Variants in KCNN3 observed in about 807,000 individuals in gnomAD.
KCNN3 encodes the protein small conductance calcium-activated potassium channel protein 3.
A neutral mutation model predicts 62.9 loss-of-function variants in KCNN3; 16 were observed. The ratio of observed to expected loss-of-function variants is 0.25; its 90% CI spans 0.17 to 0.39. The LOEUF (loss-of-function observed/expected upper bound fraction) is 0.39. KCNN3 is among the 10% of genes least tolerant of loss of function. The pLI is 1.00. For synonymous variants in KCNN3, 370 were observed against 389.2 expected (o/e 0.95, Z 0.58); for missense variants, 599 against 949.4 (o/e 0.63, Z 4.85).
chr1:154,834,397 A>G (rs1651499383), intron 1 of KCNN3, among the ~76,000 whole-genome samples: 1 of 152,232 alleles, frequency 6.6e-6, no homozygotes, highest in Admixed American at 6.5e-5. Context: ...CGGGGCATGC[A>G]GTAGAGTCTC....
chr1:154,826,654 CCT>C (rs1259475901), intron 1 of KCNN3, among the ~76,000 whole-genome samples: 1 of 152,216 alleles, frequency 6.6e-6, no homozygotes, highest in African/African-American at 2.4e-5. Context: ...CCTTTCCTCC[CCT>C]GAGGCTGTGC....
intron 1 of KCNN3, among the ~76,000 whole-genome samples, chr1:154,855,459 A>C (rs969429363): frequency 2.0e-5 from 3 of 152,144 alleles, no homozygotes; most frequent in Non-Finnish European, 4.4e-5. Context: ...ATACAGGTGT[A>C]GTATTTTGTA....
intron 1 of KCNN3, among the ~76,000 whole-genome samples, chr1:154,859,081 G>A (rs533599252): frequency 2.3e-4 from 35 of 152,280 alleles, no homozygotes; most frequent in Admixed American, 6.5e-4. Flanking sequence ...CTCCAAAGGC[G>A]GTGGCTCAAC....
chr1:154,730,414 G>C (rs1409630509), intron 4 of KCNN3, among the ~76,000 whole-genome samples: 1 of 152,148 alleles, frequency 6.6e-6, no homozygotes, highest in Non-Finnish European at 1.5e-5. Flanking sequence ...TGGTGTCCAT[G>C]GTAACCAAAC....
chr1:154,843,201 A>G (rs1266798982), intron 1 of KCNN3, among the ~76,000 whole-genome samples: 1 of 151,858 alleles, frequency 6.6e-6, no homozygotes, highest in African/African-American at 2.4e-5. Flanking sequence ...CAGGAGCTAG[A>G]TATGGTCCCT....
rs775930995 is a variant in KCNN3, at chr1:154,779,375, C to T, written c.1030-6982G>A. ...ACAGCCCCTAGCAGGAACCCTCACC[C>T]GTCCCCACCTTCCCACTCCACTCAG... On this transcript the variant is annotated intron_variant, in intron 2 of 7. Transcript: ENST00000271915. 3.9e-5 allele frequency among the ~76,000 whole-genome samples: 6 copies of T among 152,262 alleles called. No homozygotes were observed. In the South Asian group the frequency reaches 6.2e-4, roughly 16 times the overall value.
intron 2 of KCNN3, among the ~76,000 whole-genome samples, chr1:154,808,785 T>C (rs1026680346): frequency 1.1e-4 from 17 of 152,152 alleles, no homozygotes; most frequent in Admixed American, 3.9e-4. Flanking sequence ...CAAATCGATA[T>C]GGTTTCTAGC....
intron 1 of KCNN3, among the ~76,000 whole-genome samples, chr1:154,854,556 C>T (rs1043802178): frequency 6.6e-6 from 1 of 152,282 alleles, no homozygotes; most frequent in Admixed American, 6.5e-5. Context: ...AGATAGTTTA[C>T]TATCAGGCTT....
Position 154,704,506 on chromosome 1 carries a change from G to A in KCNN3, c.*3470C>T, listed in dbSNP as rs577697040. On this transcript the variant is annotated 3_prime_UTR_variant, in exon 8 of 8. Coordinates refer to ENST00000271915, the MANE Select transcript of KCNN3 (RefSeq NM_002249.6). ...GTCCTGAAATTCCACTGAGATTAGT[G>A]GTCTTAAAGTATCACAGTACATCCC... 2.0e-5 allele frequency: 3 copies of A among 152,128 alleles called. No individual in the cohort carries two copies. The highest frequency in any genetic ancestry group is 4.4e-5 in the Non-Finnish European group (3 of 68,032). The allele number at this position is 152,128 out of a possible 1,614,324, so 9.4% of individuals were successfully genotyped here.
intron 2 of KCNN3, among the ~76,000 whole-genome samples, chr1:154,797,603 T>A (rs1266175514): frequency 2.6e-5 from 4 of 152,208 alleles, no homozygotes; most frequent in Non-Finnish European, 5.9e-5. Context: ...CCTGTCCCTG[T>A]GCCTTCCCAC....
intron 1 of KCNN3, among the ~76,000 whole-genome samples, chr1:154,850,089 G>A (rs923914804): frequency 2.6e-5 from 4 of 152,094 alleles, no homozygotes; most frequent in South Asian, 2.1e-4. Flanking sequence ...CCAGGCATCC[G>A]CAGCCCATAC....
chr1:154,723,523 A>G (rs1256503863), intron 5 of KCNN3, among the ~76,000 whole-genome samples: 1 of 152,232 alleles, frequency 6.6e-6, no homozygotes, highest in Non-Finnish European at 1.5e-5. Flanking sequence ...CTCATCTTCT[A>G]CAATTATATT....
chr1:154,820,614 C>T (rs1375116348), intron 2 of KCNN3, among the ~76,000 whole-genome samples: 1 of 152,166 alleles, frequency 6.6e-6, no homozygotes, highest in African/African-American at 2.4e-5. Context: ...GATTCCGTGG[C>T]CCTAGTCCTC....
rs368383241 is a variant in KCNN3, at chr1:154,849,810, A to G, written c.933+19222T>C. On this transcript the variant is annotated intron_variant, in intron 1 of 7. Coordinates refer to ENST00000271915, the MANE Select transcript of KCNN3 (RefSeq NM_002249.6). ...GTTTCTCAGCCTCAGTACCACTGAC[A>G]TTGTGGGCTGGGTAATTCTTTGTTG... Among the ~76,000 whole-genome samples the G allele has an allele frequency of 3.0e-4, 46 of 152,290 alleles. 1 individual carries two copies. In the South Asian group the frequency reaches 9.1e-3, roughly 30 times the overall value.
chr1:154,787,861 G>A (rs1420528649), intron 2 of KCNN3, among the ~76,000 whole-genome samples: 1 of 138,394 alleles, frequency 7.2e-6, no homozygotes, highest in Non-Finnish European at 1.6e-5. Flanking sequence ...CACTTTCTCT[G>A]TCCTCCCATA....
At chr1:154,837,089 A>G (rs1041586783) in intron 1 of KCNN3, among the ~76,000 whole-genome samples, 1 of 148,144 alleles carries the variant, frequency 6.8e-6, no homozygotes, top group Non-Finnish European at 1.5e-5. Flanking sequence ...TTTGCTTAGA[A>G]CCCATTGTTT....
chr1:154,712,110 T>C (rs896157352), intron 7 of KCNN3, among the ~76,000 whole-genome samples: 2 of 152,028 alleles, frequency 1.3e-5, no homozygotes, highest in Non-Finnish European at 2.9e-5. Context: ...AGAGAAGAAA[T>C]GGTGAGAGAC....
intron 4 of KCNN3, 72 bp from the exon 5 acceptor site, chr1:154,726,098 C>A: frequency 8.7e-7 from 1 of 1,151,364 alleles, no homozygotes; most frequent in Non-Finnish European, 1.3e-6. Context: ...AGACTCAACA[C>A]GCCTGGCGGC....
chr1:154,863,510 C>A (rs968404789), intron 1 of KCNN3, among the ~76,000 whole-genome samples: 1 of 152,172 alleles, frequency 6.6e-6, no homozygotes, highest in African/African-American at 2.4e-5. Flanking sequence ...CTCACAACCC[C>A]CGCACACACT....
Sources: allele counts gnomAD v4.1 joint callset (sites outside exome capture counted in the v4.1 genomes callset), GRCh38; gene constraint gnomAD v4.1.1; transcripts MANE v1.5; gene names NCBI Gene and HGNC (gene_info 2026-07-23, HGNC 2026-07-21).